The following DRC1 variants were observed in gnomAD, a reference collection of about 807,000 sequenced individuals.
DRC1 encodes dynein regulatory complex subunit 1.
Under a neutral mutation model 98.7 loss-of-function variants are expected in DRC1, and 74 were observed. The ratio of observed to expected loss-of-function variants is 0.75; its 90% confidence interval spans 0.62 to 0.91. The LOEUF (loss-of-function observed/expected upper bound fraction) is 0.91. Among genes scored for constraint, DRC1 ranks in the 40% least tolerant of loss-of-function variants. DRC1 has a pLI of 0.00. For missense variants in DRC1, 875 were observed against 886.0 expected, an observed-to-expected ratio of 0.99 and a Z score of 0.16; for synonymous variants, 336 against 334.1, an observed-to-expected ratio of 1.01 and a Z score of -0.06.
intron 8 of DRC1, among the ~76,000 whole-genome samples, chr2:26,441,484 A>G (rs1278843074): frequency 6.6e-6 from 1 of 152,160 alleles, no homozygotes; most frequent in Non-Finnish European, 1.5e-5. Flanking sequence ...AATTCCCACT[A>G]TATATGCACC....
intron 15 of DRC1, 70 bp from the exon 16 acceptor site, chr2:26,455,060 CA>C: frequency 6.4e-7 from 1 of 1,556,406 alleles, no homozygotes; most frequent in East Asian, 2.2e-5. Context: ...GTACAACCAC[CA>C]AGACCCTGGC....
At position 26,453,559 on chromosome 2, in the gene DRC1, G is replaced by A. The variant is rs775449578; in HGVS notation, c.1919+10G>A. The A allele has an allele frequency of 1.1e-5, 17 of 1,610,442 alleles. No homozygotes were observed. Among genetic ancestry groups the A allele is most frequent in the Middle Eastern group, 1.7e-4 (1 of 5,860 alleles). On this transcript the variant is annotated intron_variant, in intron 14 of 16. Transcript: ENST00000288710. ...GTCTGAAGAAGCCTAGGTGGGCTGC[G>A]GGGCTGGAAGGCTTGCCTGAGACCA...
chr2:26,456,477 A>T lies in DRC1; in HGVS notation c.2183A>T (p.Gln728Leu), dbSNP rs2148010186. ...CTTTTCCAGATCAACTCTGAACTGC[A>T]AGTTCCTCCCACTCAGGTGTTGCGG... ...YLNSKINSEL[Q>L]VPPTQVLRVP... Residue 728 changes from glutamine to leucine, a missense_variant, in exon 17 of 17, where the codon CAA (glutamine) becomes CTA (leucine). Gln to Leu is a moderately radical substitution (Grantham distance 113). Coordinates refer to ENST00000288710, the MANE Select transcript of DRC1 (RefSeq NM_145038.5). The T allele has an allele frequency of 1.2e-6, 2 of 1,614,178 alleles. No homozygotes were observed. Among genetic ancestry groups the T allele is most frequent in the Admixed American group, 1.7e-5 (1 of 60,022 alleles).
intron 7 of DRC1, among the ~76,000 whole-genome samples, chr2:26,438,429 A>G (rs1208801501): frequency 6.6e-6 from 1 of 152,248 alleles, no homozygotes; most frequent in African/African-American, 2.4e-5. Context: ...AAAAGTAAAT[A>G]AAAAATAAGT....
intron 5 of DRC1, among the ~76,000 whole-genome samples, chr2:26,430,050 TA>T (rs1183862478): frequency 6.6e-6 from 1 of 152,164 alleles, no homozygotes; most frequent in Non-Finnish European, 1.5e-5. Context: ...AGCTAGACAA[TA>T]AACAAGTTAC....
At chr2:26,445,649 G>GTTAT (rs534645068) in intron 10 of DRC1, among the ~76,000 whole-genome samples, 5,519 of 151,728 alleles carry the variant, frequency 0.036, 140 homozygotes, top group Middle Eastern at 0.054. Context: ...AGCCCTAGTA[G>GTTAT]TTATTTATTT....
rs753113582 is a variant in DRC1, at chr2:26,456,544, AG to A, written c.*30del. 4 of 1,613,640 alleles carry A rather than the reference AG, an allele frequency of 2.5e-6. No individual in the cohort carries two copies. Among genetic ancestry groups the A allele is most frequent in the Admixed American group, 1.7e-5 (1 of 59,996 alleles). ...CTGGACCGCCAAAGGCTGATGTGTT[AG>A]GGCTGGCCTGATGCTGGTGTCTGTG... is the stretch of plus-strand genomic sequence containing the variant. On this transcript the variant is annotated 3_prime_UTR_variant, in exon 17 of 17. Coordinates refer to ENST00000288710, the MANE Select transcript of DRC1 (RefSeq NM_145038.5).
Position 26,454,924 on chromosome 2 carries a change from G to C in DRC1, c.2063+134G>C. ...GAGCTGCCCTTGGCATCTCCTGTGTGGGTGGATCATGTGGGGCAGTTGGCT... is the reference window on the plus strand; with the variant it reads ...GAGCTGCCCTTGGCATCTCCTGTGTCGGTGGATCATGTGGGGCAGTTGGCT... On this transcript the variant is annotated intron_variant, in intron 15 of 16. Coordinates refer to ENST00000288710, the MANE Select transcript of DRC1 (RefSeq NM_145038.5). The surrounding 1 kb of genome is among the most constrained non-coding windows in gnomAD (Gnocchi z 5.2). The C allele has an allele frequency of 6.7e-7, 1 of 1,482,694 alleles. No homozygotes were observed. Among genetic ancestry groups the C allele is most frequent in the Non-Finnish European group, 9.2e-7 (1 of 1,082,866 alleles). The allele number at this position is 1,482,694 out of a possible 1,614,324, so 91.8% of individuals were successfully genotyped here.
intron 8 of DRC1, among the ~76,000 whole-genome samples, chr2:26,443,334 A>G (rs920965740): frequency 6.6e-6 from 1 of 152,202 alleles, no homozygotes; most frequent in African/African-American, 2.4e-5. Context: ...CCTGCCATGC[A>G]TATTTTATGG....
intron 1 of DRC1, among the ~76,000 whole-genome samples, chr2:26,408,990 T>G (rs887398401): frequency 7.9e-5 from 12 of 152,194 alleles, no homozygotes; most frequent in African/African-American, 2.9e-4. Context: ...TGGAGTGCAG[T>G]GGTTTGATCA....
chr2:26,428,448 G>A (rs1663341007), intron 4 of DRC1, among the ~76,000 whole-genome samples: 1 of 152,182 alleles, frequency 6.6e-6, no homozygotes, highest in East Asian at 1.9e-4. Flanking sequence ...AATACTGTAA[G>A]CAGTTGTAAC....
Position 26,453,452 on chromosome 2 carries a change from G to A in DRC1, c.1822G>A (p.Glu608Lys). The A allele has an allele frequency of 6.2e-7, 1 of 1,614,128 alleles. No individual in the cohort carries two copies. Among genetic ancestry groups the A allele is most frequent in the Non-Finnish European group, 8.5e-7 (1 of 1,180,028 alleles). ...KEESLVEGEK[E>K]EEEETPPSPW... is the part of the protein sequence containing the mutation. ...AGAAAGCCTGGTGGAAGGGGAGAAG[G>A]AGGAAGAGGAGGAGACCCCACCCTC... is the stretch of plus-strand genomic sequence containing the variant. Residue 608 changes from glutamate to lysine, a missense_variant, in exon 14 of 17, where the codon GAG (glutamate) becomes AAG (lysine). Physicochemically the swap from Glu to Lys is moderately conservative, Grantham distance 56. Transcript: ENST00000288710.
At chr2:26,417,397 T>C (rs916575090) in intron 2 of DRC1, among the ~76,000 whole-genome samples, 2 of 152,010 alleles carry the variant, frequency 1.3e-5, no homozygotes, top group African/African-American at 4.8e-5. Flanking sequence ...GGCACAATCT[T>C]GGCTCACTGC....
chr2:26,431,841 A>C (rs1450601455), intron 6 of DRC1, 43 bp from the exon 7 acceptor site: 2 of 1,610,062 alleles, frequency 1.2e-6, no homozygotes, highest in Non-Finnish European at 1.7e-6. Flanking sequence ...GAGGTGGGGC[A>C]AGGATGGTCC....
At chr2:26,413,073 C>T (rs754075183) in intron 1 of DRC1, among the ~76,000 whole-genome samples, 6 of 152,244 alleles carry the variant, frequency 3.9e-5, no homozygotes, top group Non-Finnish European at 7.3e-5. Context: ...TGAGCCATCG[C>T]GCCCAGCCAA....
chr2:26,414,770 T>C (rs1279634276), intron 2 of DRC1, among the ~76,000 whole-genome samples: 2 of 152,194 alleles, frequency 1.3e-5, no homozygotes, highest in Non-Finnish European at 2.9e-5. Context: ...ATTTGGGCCT[T>C]CCACTTTGGT....
chr2:26,452,678 T>G (rs1664038962), intron 13 of DRC1, among the ~76,000 whole-genome samples: 1 of 152,226 alleles, frequency 6.6e-6, no homozygotes, highest in South Asian at 2.1e-4. Flanking sequence ...ATATATGGTA[T>G]GTCTACACGA....
At chr2:26,449,723 G>T (rs1333809766) in intron 11 of DRC1, among the ~76,000 whole-genome samples, 3 of 152,240 alleles carry the variant, frequency 2.0e-5, no homozygotes, top group Non-Finnish European at 2.9e-5. Context: ...TGTGGGTGAG[G>T]TGGGTTGGTG....
intron 1 of DRC1, among the ~76,000 whole-genome samples, chr2:26,407,590 T>C (rs1379844371): frequency 6.6e-6 from 1 of 152,092 alleles, no homozygotes; most frequent in Non-Finnish European, 1.5e-5. Context: ...TGAGGTCTTA[T>C]CAAAGGCTGA....
Sources: gnomAD v4.1 joint callset for allele counts (sites outside exome capture counted in the v4.1 genomes callset) on GRCh38, gnomAD v4.1.1 for gene constraint, Gnocchi (gnomAD v3.1) non-coding constraint, MANE v1.5 for transcripts, NCBI Gene and HGNC (gene_info 2026-07-23, HGNC 2026-07-21) for gene names.